The following ASAP2 variants were observed in gnomAD, a reference collection of about 807,000 sequenced individuals.
ASAP2 encodes the protein arf-GAP with SH3 domain, ANK repeat and PH domain-containing protein 2.
ASAP2 carries 45 observed loss-of-function variants against 131.4 expected under a neutral mutation model. The ratio of observed to expected loss-of-function variants is 0.34; its 90% CI spans 0.27 to 0.44. ASAP2 has a LOEUF of 0.44. Among genes scored for constraint, ASAP2 ranks in the 20% least tolerant of loss-of-function variants. ASAP2 has a pLI of 1.00. For missense variants in ASAP2, 1,011 were observed against 1,297.0 expected, an observed-to-expected ratio of 0.78 and a Z score of 3.39; for synonymous variants, 510 against 503.0, an observed-to-expected ratio of 1.01 and a Z score of -0.19.
chr2:9,251,246 C>T (rs1206755737), intron 1 of ASAP2, among the ~76,000 whole-genome samples: 1 of 152,202 alleles, frequency 6.6e-6, no homozygotes, highest in Non-Finnish European at 1.5e-5. Flanking sequence ...GGCTTTCCCT[C>T]TAGTCACTTG....
intron 1 of ASAP2, chr2:9,271,408 T>C: frequency 4.2e-6 from 6 of 1,421,414 alleles, no homozygotes; most frequent in Non-Finnish European, 6.0e-6. Context: ...TTCTGGATGC[T>C]CAATTACAGT....
chr2:9,379,907 A>C (rs1354999850), intron 19 of ASAP2, among the ~76,000 whole-genome samples: 2 of 151,228 alleles, frequency 1.3e-5, no homozygotes, highest in South Asian at 2.1e-4. Context: ...CAGGAGAATC[A>C]CTTGAACCCG....
At chr2:9,387,212 T>TAAAAAA (rs1229537120) in intron 21 of ASAP2, among the ~76,000 whole-genome samples, 1 of 81,508 alleles carries the variant, frequency 1.2e-5, no homozygotes, top group African/African-American at 2.3e-4. Context: ...AGACTCTGTC[T>TAAAAAA]CAAAAAAAAA....
At chr2:9,391,740 ATTTTTTT>A (rs33928425) in intron 23 of ASAP2, among the ~76,000 whole-genome samples, 1 of 128,510 alleles carries the variant, frequency 7.8e-6, no homozygotes, top group Non-Finnish European at 1.7e-5. Context: ...ATGCTCAGCT[ATTTTTTT>A]TTTTTTTTTG....
intron 24 of ASAP2, among the ~76,000 whole-genome samples, chr2:9,394,308 G>A (rs1297527014): frequency 6.6e-6 from 1 of 151,898 alleles, no homozygotes; most frequent in East Asian, 1.9e-4. Flanking sequence ...GGGACTACAG[G>A]TGCCTCCCAC....
intron 18 of ASAP2, 119 bp downstream of exon 18, chr2:9,377,112 A>T: frequency 1.1e-6 from 1 of 880,592 alleles, no homozygotes; most frequent in South Asian, 1.6e-5. Flanking sequence ...AGTTCTAAAC[A>T]TGAATTAAAG....
rs1402624549 is a variant in ASAP2, at chr2:9,353,880, T to TG, written c.1112-2161dup. Among the ~76,000 whole-genome samples, 3 of 151,458 alleles carry TG rather than the reference T, an allele frequency of 2.0e-5. No individual in the cohort carries two copies. The East Asian group carries it at 5.8e-4, about 29-fold the overall frequency. On this transcript the variant is annotated intron_variant, in intron 12 of 27. Transcript: ENST00000281419. ...GTCCAAGCTACTTGGGAGGCTGAGG[T>TG]GGGGGGATCACTTGAGTCCAGGAGT...
intron 9 of ASAP2, among the ~76,000 whole-genome samples, chr2:9,344,242 G>T (rs897466997): frequency 2.0e-5 from 3 of 152,126 alleles, no homozygotes; most frequent in Non-Finnish European, 4.4e-5. Flanking sequence ...CTGTCAGGGG[G>T]TTAAGGCTCG....
At chr2:9,391,254 G>A (rs1675699692) in intron 23 of ASAP2, 58 bp downstream of exon 23, 1 of 1,563,162 alleles carries the variant, frequency 6.4e-7, no homozygotes, top group African/African-American at 1.4e-5. Flanking sequence ...TGGATGGCGG[G>A]GGGTGCTCTC....
intron 1 of ASAP2, among the ~76,000 whole-genome samples, chr2:9,209,986 C>T (rs1385296081): frequency 2.6e-5 from 4 of 152,184 alleles, no homozygotes; most frequent in Admixed American, 2.0e-4. Flanking sequence ...ATACTTGTTG[C>T]TGGAATATTA....
intron 1 of ASAP2, among the ~76,000 whole-genome samples, chr2:9,228,945 C>T (rs536398737): frequency 6.6e-6 from 1 of 152,280 alleles, no homozygotes; most frequent in East Asian, 1.9e-4. Context: ...CCCTCACGGG[C>T]CAACTCCCCA....
intron 1 of ASAP2, among the ~76,000 whole-genome samples, chr2:9,222,728 G>A (rs902242511): frequency 1.3e-5 from 2 of 152,074 alleles, no homozygotes; most frequent in African/African-American, 2.4e-5. Context: ...AAGAGGTGCC[G>A]GTGGGTGTGT....
intron 15 of ASAP2, among the ~76,000 whole-genome samples, chr2:9,359,740 TTGA>T (rs1392462519): frequency 2.6e-5 from 4 of 152,234 alleles, no homozygotes; most frequent in South Asian, 2.1e-4. Context: ...ATCAGTCTTA[TTGA>T]TGACTTCGAA....
intron 16 of ASAP2, among the ~76,000 whole-genome samples, chr2:9,371,882 C>T (rs1052033365): frequency 3.9e-5 from 6 of 152,016 alleles, no homozygotes; most frequent in African/African-American, 9.7e-5. Flanking sequence ...TTTGGGAGGC[C>T]GAGGTGGGCG....
intron 1 of ASAP2, among the ~76,000 whole-genome samples, chr2:9,241,093 G>A (rs1240008112): frequency 6.6e-6 from 1 of 152,200 alleles, no homozygotes; most frequent in East Asian, 1.9e-4. Flanking sequence ...TTTGGACTGT[G>A]GTTAGTGGAA....
intron 7 of ASAP2, 134 bp from the exon 8 acceptor site, chr2:9,334,604 G>T: frequency 4.3e-6 from 3 of 703,646 alleles, no homozygotes; most frequent in East Asian, 5.4e-5. Flanking sequence ...ATATTTTAAG[G>T]TTCTGTTCAT....
At chr2:9,382,553 G>A (rs150922083) in intron 20 of ASAP2, among the ~76,000 whole-genome samples, 28 of 152,302 alleles carry the variant, frequency 1.8e-4, no homozygotes, top group African/African-American at 5.5e-4. Context: ...TTTCTACAGC[G>A]TTTAATTCTC....
intron 7 of ASAP2, among the ~76,000 whole-genome samples, chr2:9,334,080 C>T: frequency 8.3e-6 from 1 of 120,268 alleles, no homozygotes; most frequent in South Asian, 3.0e-4. Flanking sequence ...GACAGTCTCA[C>T]TCTGTCGCCA....
At chr2:9,270,860 T>C (rs1380249189) in intron 1 of ASAP2, among the ~76,000 whole-genome samples, 1 of 138,022 alleles carries the variant, frequency 7.2e-6, no homozygotes, top group Non-Finnish European at 1.5e-5. Flanking sequence ...TGGCGCGATC[T>C]CGGCTCACTG....
Sources: gnomAD v4.1 joint callset for allele counts (sites outside exome capture counted in the v4.1 genomes callset) on GRCh38, gnomAD v4.1.1 for gene constraint, MANE v1.5 for transcripts, NCBI Gene and HGNC (gene_info 2026-07-23, HGNC 2026-07-21) for gene names.